Variants in TLK2 observed in about 807,000 individuals in gnomAD.
The protein encoded by TLK2 is serine/threonine-protein kinase tousled-like 2.
A neutral mutation model predicts 117.3 loss-of-function variants in TLK2; 6 were observed. The ratio of observed to expected loss-of-function variants is 0.05; its 90% CI spans 0.03 to 0.10. The LOEUF (loss-of-function observed/expected upper bound fraction) is 0.10, where lower values mean the gene tolerates loss of function less well. Among genes scored for constraint, TLK2 ranks in the 10% least tolerant of loss-of-function variants. The probability of loss-of-function intolerance (pLI) is 1.00; values close to 1 mark genes in which losing one functional copy is unlikely to be tolerated. For synonymous variants in TLK2, 257 were observed against 316.7 expected (o/e 0.81, Z 2.00); for missense variants, 299 against 901.2 (o/e 0.33, Z 8.56).
Position 62,606,160 on chromosome 17 carries a change from G to A in TLK2, c.1890G>A (p.Gly630=), listed in dbSNP as rs2083289290. The change falls in exon 20 of 22, where the codon GGG becomes GGA. Residue 630 remains glycine (G), a synonymous_variant. Coordinates refer to ENST00000346027, the MANE Select transcript of TLK2 (RefSeq NM_006852.6). The part of the protein sequence containing the change: ...WYLPPECFVV[G]KEPPKISNKV... ...TACCACCAGAGTGTTTTGTGGTTGGGAAAGAACCACCAAAGATCTCAAATA... is the reference window on the plus strand; with the variant it reads ...TACCACCAGAGTGTTTTGTGGTTGGAAAAGAACCACCAAAGATCTCAAATA... 3.8e-6 allele frequency: 6 copies of A among 1,585,704 alleles called. No individual in the cohort carries two copies. Among genetic ancestry groups the A allele is most frequent in the African/African-American group, 1.3e-5 (1 of 74,414 alleles).
At chr17:62,471,421 A>G (rs536288284) in intron 1 of TLK2, among the ~76,000 whole-genome samples, 1 of 152,224 alleles carries the variant, frequency 6.6e-6, no homozygotes, top group South Asian at 2.1e-4. Context: ...ATTTCCCCAT[A>G]GCCTTTGAAT....
At chr17:62,495,816 G>A (rs2073615121) in intron 2 of TLK2, among the ~76,000 whole-genome samples, 1 of 151,252 alleles carries the variant, frequency 6.6e-6, no homozygotes, top group Admixed American at 6.6e-5. Context: ...ATGCTGCCGT[G>A]CCCAGCTAAT....
intron 16 of TLK2, among the ~76,000 whole-genome samples, chr17:62,595,576 C>A (rs866213168): frequency 8.1e-6 from 1 of 122,914 alleles, no homozygotes; most frequent in Non-Finnish European, 1.8e-5. Flanking sequence ...TTTTTTTTTT[C>A]TTCCTCAGTT....
intron 6 of TLK2, among the ~76,000 whole-genome samples, chr17:62,530,886 G>A (rs1468727032): frequency 2.0e-5 from 3 of 151,906 alleles, no homozygotes; most frequent in South Asian, 2.1e-4. Context: ...TTTTAGGTTC[G>A]CTTTCTTTTT....
chr17:62,472,269 C>T (rs948239801), intron 1 of TLK2, among the ~76,000 whole-genome samples: 4 of 151,958 alleles, frequency 2.6e-5, no homozygotes, highest in African/African-American at 4.8e-5. Context: ...GCCTAGGGGT[C>T]GTGAAGAGGA....
At chr17:62,591,930 T>C (rs759019107) in intron 16 of TLK2, among the ~76,000 whole-genome samples, 6 of 152,118 alleles carry the variant, frequency 3.9e-5, no homozygotes, top group Non-Finnish European at 5.9e-5. Context: ...TTACTGTCTT[T>C]GTAAATAAGA....
chr17:62,508,002 TATC>T (rs1309589488), intron 2 of TLK2, among the ~76,000 whole-genome samples: 2 of 152,166 alleles, frequency 1.3e-5, no homozygotes, highest in Admixed American at 6.5e-5. Context: ...AGAAAATTAT[TATC>T]AGCAGGAGAC....
chr17:62,581,508 G>A (rs551679715), intron 15 of TLK2, among the ~76,000 whole-genome samples: 2 of 149,766 alleles, frequency 1.3e-5, no homozygotes, highest in East Asian at 2.0e-4. Context: ...GTGCAGTCTC[G>A]GCTCACTGCA....
At chr17:62,525,290 T>TA (rs199589395) in intron 6 of TLK2, among the ~76,000 whole-genome samples, 2 of 152,040 alleles carry the variant, frequency 1.3e-5, no homozygotes, top group African/African-American at 2.4e-5. Flanking sequence ...TCTGTATTGT[T>TA]AAAGTATTTT....
At position 62,488,503 on chromosome 17, in the gene TLK2, A is replaced by G. The variant is rs183376209; in HGVS notation, c.81+7297A>G. 3.3e-5 allele frequency among the ~76,000 whole-genome samples: 5 copies of G among 152,294 alleles called. No homozygotes were observed. In the East Asian group the frequency reaches 7.7e-4, roughly 23 times the overall value. ...AAGTATGAATGCTGAGAAATGGCCT[A>G]TACTTATATTGATGCATTTTAAGGA... On this transcript the variant is annotated intron_variant, in intron 2 of 21. Transcript: ENST00000346027.
At chr17:62,572,131 C>G (rs1402918474) in intron 11 of TLK2, among the ~76,000 whole-genome samples, 1 of 149,202 alleles carries the variant, frequency 6.7e-6, no homozygotes, top group Admixed American at 6.8e-5. Context: ...GAGCTGAGAT[C>G]GTGCCACTGC....
intron 16 of TLK2, among the ~76,000 whole-genome samples, chr17:62,593,661 C>G (rs1465444402): frequency 6.6e-6 from 1 of 151,982 alleles, no homozygotes; most frequent in Non-Finnish European, 1.5e-5. Flanking sequence ...TCTTCAGGGC[C>G]AATAACATGC....
chr17:62,610,272 T>G (rs912427973), intron 21 of TLK2, among the ~76,000 whole-genome samples: 1 of 152,236 alleles, frequency 6.6e-6, no homozygotes, highest in African/African-American at 2.4e-5. Flanking sequence ...TCCCTGTTTC[T>G]CCTAATCCTA....
intron 19 of TLK2, among the ~76,000 whole-genome samples, chr17:62,602,836 A>G (rs1415618052): frequency 1.2e-4 from 18 of 152,160 alleles, no homozygotes; most frequent in Non-Finnish European, 2.5e-4. Flanking sequence ...ACCTTTGGCC[A>G]TTAGAACCAT....
intron 2 of TLK2, among the ~76,000 whole-genome samples, chr17:62,510,514 T>C (rs1164289734): frequency 6.6e-6 from 1 of 152,184 alleles, no homozygotes; most frequent in African/African-American, 2.4e-5. Context: ...CCACAGACTG[T>C]GTGGCTTAAA....
At chr17:62,596,796 A>G in intron 17 of TLK2, 122 bp downstream of exon 17, 1 of 752,272 alleles carries the variant, frequency 1.3e-6, no homozygotes. Context: ...GTAATTTGTG[A>G]CAAATGATCA....
chr17:62,573,273 G>A lies in TLK2; in HGVS notation c.1027G>A (p.Ala343Thr), dbSNP rs1344798399. The change falls in exon 12 of 22, where the codon GCA (alanine) becomes ACA (threonine). Residue 343 changes from alanine to threonine, a missense_variant. By Grantham distance (58) the Ala-to-Thr change is moderately conservative (BLOSUM62 0). This residue lies in a region of TLK2 where 94 missense variants were observed against 282.6 expected (regional missense o/e 0.33). Coordinates refer to ENST00000346027, the MANE Select transcript of TLK2 (RefSeq NM_006852.6). ...GATAGAAAGACAACGGAAAATGTTA[G>A]CAAAGCGGAAACCTCCTGCCATGGG... ...EEIERQRKML[A>T]KRKPPAMGQA... 1.2e-6 allele frequency: 2 copies of A among 1,613,864 alleles called. No individual in the cohort carries two copies. Among genetic ancestry groups the A allele is most frequent in the Non-Finnish European group, 8.5e-7 (1 of 1,179,876 alleles).
intron 2 of TLK2, among the ~76,000 whole-genome samples, chr17:62,486,264 C>T (rs1429965939): frequency 6.6e-6 from 1 of 152,098 alleles, no homozygotes; most frequent in Non-Finnish European, 1.5e-5. Context: ...TCAAGCGATT[C>T]TCTTGCCTCA....
chr17:62,539,231 C>CA (rs2077329686), intron 7 of TLK2, among the ~76,000 whole-genome samples: 1 of 152,040 alleles, frequency 6.6e-6, no homozygotes, highest in Admixed American at 6.6e-5. Flanking sequence ...TTTATTGTTG[C>CA]AAAAAATCTG....
Sources: gnomAD v4.1 joint callset for allele counts (sites outside exome capture counted in the v4.1 genomes callset) on GRCh38, gnomAD v4.1.1 for gene constraint, gnomAD v4.1.1 regional missense constraint, MANE v1.5 for transcripts, NCBI Gene and HGNC (gene_info 2026-07-23, HGNC 2026-07-21) for gene names.